The following ACOX1 variants were observed in gnomAD, a reference collection of about 807,000 sequenced individuals.
The protein encoded by ACOX1 is acyl-CoA oxidase 1.
In ACOX1, 41 loss-of-function variants were observed where a neutral mutation model predicts 75.5. That is an observed-to-expected ratio of 0.54 (90% CI 0.42 to 0.70). The LOEUF is 0.70. ACOX1 is among the 30% of genes least tolerant of loss of function. The probability of loss-of-function intolerance (pLI) is 0.00; values close to 1 mark genes in which losing one functional copy is unlikely to be tolerated. For synonymous variants in ACOX1, 303 were observed against 298.8 expected, an observed-to-expected ratio of 1.01 and a Z score of -0.15; for missense variants, 630 against 837.5, an observed-to-expected ratio of 0.75 and a Z score of 3.06.
At position 75,948,894 on chromosome 17, in the gene ACOX1, C is replaced by T. The variant is rs1164061488; in HGVS notation, c.1728+323G>A. Among the ~76,000 whole-genome samples the T allele has an allele frequency of 9.8e-5, 14 of 143,352 alleles. No homozygotes were observed. In the South Asian group the frequency reaches 2.6e-3, roughly 27 times the overall value. 94.0% of individuals were successfully genotyped at this position (143,352 alleles called of 152,430 possible). On this transcript the variant is annotated intron_variant, in intron 12 of 13. Transcript: ENST00000293217. ...TTTTTTTTTGAGACAGAGTATTGCT[C>T]TGTCACCCAGGCTGGAATGCAGTGG...
chr17:75,965,783 T>C (rs1025730249), intron 2 of ACOX1, among the ~76,000 whole-genome samples: 2 of 151,574 alleles, frequency 1.3e-5, no homozygotes, highest in Non-Finnish European at 2.9e-5. Context: ...CAGTGAGCTA[T>C]GATCAAACCT....
Position 75,945,638 on chromosome 17 carries a change from AT to A in ACOX1, c.*1109del, listed in dbSNP as rs1455311669. The stretch of plus-strand genomic sequence containing the variant: ...CTTTAAGTATAGAATGATTGTATAA[AT>A]TAGATTTCAACTGAAAGGACAATTA... On this transcript the variant is annotated 3_prime_UTR_variant, in exon 14 of 14. Transcript: ENST00000293217. 2 of 153,780 alleles carry A rather than the reference AT, an allele frequency of 1.3e-5. No individual in the cohort carries two copies. The highest frequency in any genetic ancestry group is 4.8e-5 in the African/African-American group (2 of 41,460). 9.5% of individuals were successfully genotyped at this position (153,780 alleles called of 1,614,324 possible).
chr17:75,966,188 G>A (rs2065930465), intron 2 of ACOX1, among the ~76,000 whole-genome samples: 1 of 151,688 alleles, frequency 6.6e-6, no homozygotes, highest in South Asian at 2.1e-4. Flanking sequence ...GCCAGGTGCG[G>A]TGGCTCGTGC....
At chr17:75,953,683 C>G in intron 6 of ACOX1, 63 bp from the exon 7 acceptor site, 1 of 1,596,438 alleles carries the variant, frequency 6.3e-7, no homozygotes. Context: ...TTCAGTGGTT[C>G]TCAAAGTGTG....
chr17:75,944,378 A>C lies in ACOX1; in HGVS notation c.*2370T>G, dbSNP rs1217154163. On this transcript the variant is annotated 3_prime_UTR_variant, in exon 14 of 14. Transcript: ENST00000293217. ...GCAGTCTAGTGTGGTAGAGAGAACA[A>C]ACTGGACTTGCCACTTCCTTTAAGG... is the stretch of plus-strand genomic sequence containing the variant. 1.3e-5 allele frequency: 2 copies of C among 152,194 alleles called. No homozygotes were observed. The highest frequency in any genetic ancestry group is 4.8e-5 in the African/African-American group (2 of 41,440). The allele number at this position is 152,194 out of a possible 1,614,324, so 9.4% of individuals were successfully genotyped here.
chr17:75,970,618 C>T (rs1349179663), intron 2 of ACOX1, among the ~76,000 whole-genome samples: 1 of 152,228 alleles, frequency 6.6e-6, no homozygotes, highest in African/African-American at 2.4e-5. Context: ...TTCTGAGCCC[C>T]TTCACTTCTC....
intron 2 of ACOX1, among the ~76,000 whole-genome samples, chr17:75,964,739 T>C (rs1033552331): frequency 2.6e-5 from 4 of 152,206 alleles, no homozygotes; most frequent in Admixed American, 1.3e-4. Flanking sequence ...GATAAAGATA[T>C]TATTTTTAAA....
At position 75,953,460 on chromosome 17, in the gene ACOX1, A is replaced by G. The variant is rs548069951; in HGVS notation, c.935T>C (p.Ile312Thr). The change falls in exon 7 of 14, where the codon ATC (isoleucine) becomes ACC (threonine). Residue 312 changes from isoleucine to threonine, a missense_variant. Ile to Thr is a moderately conservative substitution (Grantham distance 89, BLOSUM62 -1). Around this residue, in one of 2 missense-constraint regions of ACOX1, gnomAD observed 390 missense variants for 574.9 expected, o/e 0.68. Transcript: ENST00000293217. ...AGGACCCTATCCTTACCCTGGCTTGATTTCAGACTGGTGCCTCACAGCGCT... is the reference window on the plus strand; with the variant it reads ...AGGACCCTATCCTTACCCTGGCTTGGTTTCAGACTGGTGCCTCACAGCGCT... Reference protein sequence around the residue: ...RYSAVRHQSEIKPGEPEPQIL... With the variant: ...RYSAVRHQSETKPGEPEPQIL... The G allele has an allele frequency of 1.2e-6, 2 of 1,613,842 alleles. No homozygotes were observed. The highest frequency in any genetic ancestry group is 4.5e-5 in the East Asian group (2 of 44,870).
chr17:75,975,320 G>A (rs1296565016), intron 2 of ACOX1, among the ~76,000 whole-genome samples: 3 of 151,652 alleles, frequency 2.0e-5, no homozygotes, highest in East Asian at 2.0e-4. Flanking sequence ...CACCAAGCCC[G>A]GTTAATTTTG....
chr17:75,960,044 T>C lies in ACOX1; in HGVS notation c.430+171A>G, dbSNP rs1472739711. Among the ~76,000 whole-genome samples the C allele has an allele frequency of 6.6e-6, 1 of 152,232 alleles. No individual in the cohort carries two copies. On this transcript the variant is annotated intron_variant, in intron 3 of 13. Transcript: ENST00000293217. The surrounding 1 kb of genome is among the most constrained non-coding windows in gnomAD (Gnocchi z 4.4). ...ATTTTATCAGTATCATGGTCTTTAATTCCCACTCACCAAAGCAGTGTTTAT... is the reference window on the plus strand; with the variant it reads ...ATTTTATCAGTATCATGGTCTTTAACTCCCACTCACCAAAGCAGTGTTTAT...
rs764653531 is a variant in ACOX1, at chr17:75,978,819, G to C, written c.110-126C>G. The C allele has an allele frequency of 6.2e-7, 1 of 1,601,060 alleles. No homozygotes were observed. Among genetic ancestry groups the C allele is most frequent in the Admixed American group, 1.7e-5 (1 of 59,372 alleles). On this transcript the variant is annotated intron_variant, in intron 1 of 13. Transcript: ENST00000293217. This position sits in a 1 kb window ranked among gnomAD's most constrained non-coding sequence, Gnocchi z 4.2. The stretch of plus-strand genomic sequence containing the variant: ...GGGAATGGCGATATCCCCCCACCAG[G>C]GACACAGGCTGTTCCTCGAAGTGGG...
At chr17:75,955,431 G>T in intron 6 of ACOX1, 135 bp downstream of exon 6, 1 of 785,090 alleles carries the variant, frequency 1.3e-6, no homozygotes, top group Non-Finnish European at 2.2e-6. Context: ...CCAAAGTGCT[G>T]GGATAACAGG....
rs573099492 is a variant in ACOX1 at position 75,945,734 on chromosome 17, T to C, written c.*1014A>G. On this transcript the variant is annotated 3_prime_UTR_variant, in exon 14 of 14. Coordinates refer to ENST00000293217, the MANE Select transcript of ACOX1 (RefSeq NM_004035.7). Reference sequence around the variant, plus strand: ...TACATAGAGTAAGAAATAGAACCTATGGAACTTCCATTTTTCTAACTATAG... The same window carrying C: ...TACATAGAGTAAGAAATAGAACCTACGGAACTTCCATTTTTCTAACTATAG... 50 of 153,814 alleles carry C rather than the reference T, an allele frequency of 3.3e-4. 1 individual carries two copies. Among genetic ancestry groups the C allele is most frequent in the Middle Eastern group, 6.8e-3 (2 of 294 alleles). The allele number at this position is 153,814 out of a possible 1,614,324, so 9.5% of individuals were successfully genotyped here. A position where few individuals can be genotyped will look rare whatever the true frequency, so the allele number is the denominator to read the frequency against.
Position 75,946,476 on chromosome 17 carries a change from A to C in ACOX1, c.*272T>G, listed in dbSNP as rs575548123. On this transcript the variant is annotated 3_prime_UTR_variant, in exon 14 of 14. Transcript: ENST00000293217. ...TGCTAATTATCAAAAGTCATAGTCT[A>C]CTGGGATCAGCAGCATTACAAAAGG... 1.3e-5 allele frequency: 6 copies of C among 447,096 alleles called. No individual in the cohort carries two copies. The highest frequency in any genetic ancestry group is 1.3e-4 in the South Asian group (6 of 47,034). The allele number at this position is 447,096 out of a possible 1,614,324, so 27.7% of individuals were successfully genotyped here.
chr17:75,956,066 C>T, intron 4 of ACOX1, 119 bp from the exon 5 acceptor site: 1 of 1,391,400 alleles, frequency 7.2e-7, no homozygotes, highest in Non-Finnish European at 1.0e-6. Context: ...AGTATGTGTC[C>T]AGAAAGCCTT....
At chr17:75,977,704 T>C (rs73357536) in intron 2 of ACOX1, among the ~76,000 whole-genome samples, 8,563 of 152,312 alleles carry the variant, frequency 0.056, 267 homozygotes, top group East Asian at 0.14. Context: ...AGCACTGTCA[T>C]GGATTCAGAA....
At chr17:75,948,194 C>G in intron 13 of ACOX1, 57 bp downstream of exon 13, 1 of 1,577,612 alleles carries the variant, frequency 6.3e-7, no homozygotes. Context: ...GAGGCCTTTC[C>G]TGCTTCAATA....
At chr17:75,946,849 A>C in intron 13 of ACOX1, 54 bp from the exon 14 acceptor site, 1 of 1,536,936 alleles carries the variant, frequency 6.5e-7, no homozygotes, top group Non-Finnish European at 9.0e-7. Flanking sequence ...CATGTTAAAT[A>C]GTATACTGTT....
rs187721156 is a variant in ACOX1 at position 75,950,629 on chromosome 17, C to A, written c.1298+145G>T. On this transcript the variant is annotated intron_variant, in intron 9 of 13. Transcript: ENST00000293217. The surrounding 1 kb of genome is among the most constrained non-coding windows in gnomAD (Gnocchi z 4.3). Reference sequence around the variant, plus strand: ...TCTAGCCTCACCACGAAATAAAAACCGTGAGTCAGGATGGAAGGCAAAAGT... The same window carrying A: ...TCTAGCCTCACCACGAAATAAAAACAGTGAGTCAGGATGGAAGGCAAAAGT... The A allele has an allele frequency of 2.4e-5, 20 of 824,834 alleles. No homozygotes were observed. In the East Asian group the frequency reaches 5.6e-4, roughly 23 times the overall value. The allele number at this position is 824,834 out of a possible 1,614,324, so 51.1% of individuals were successfully genotyped here. A position where few individuals can be genotyped will look rare whatever the true frequency, so the allele number is the denominator to read the frequency against.
Sources: allele counts gnomAD v4.1 joint callset (sites outside exome capture counted in the v4.1 genomes callset), GRCh38; gene constraint gnomAD v4.1.1; regional missense constraint gnomAD v4.1.1; non-coding constraint Gnocchi (gnomAD v3.1); transcripts MANE v1.5; gene names NCBI Gene and HGNC (gene_info 2026-07-23, HGNC 2026-07-21).